Variants in SEMA3A observed in about 807,000 individuals in gnomAD.
The protein encoded by SEMA3A is semaphorin 3A.
Under a neutral mutation model 97.9 loss-of-function variants are expected in SEMA3A, and 29 were observed. The ratio of observed to expected loss-of-function variants is 0.30; its 90% CI spans 0.22 to 0.40. The LOEUF is 0.40. Ranked by LOEUF, SEMA3A falls within the 10% of genes least tolerant of loss-of-function variation. The pLI is 1.00. For synonymous variants in SEMA3A, 321 were observed against 323.7 expected (o/e 0.99, Z 0.09); for missense variants, 763 against 951.3 (o/e 0.80, Z 2.60).
intron 16 of SEMA3A, among the ~76,000 whole-genome samples, chr7:83,962,950 G>A (rs894127362): frequency 1.3e-5 from 2 of 152,054 alleles, no homozygotes; most frequent in East Asian, 3.9e-4. Flanking sequence ...GAAATAAGGG[G>A]AGTCTAATAT....
At chr7:84,321,768 T>C (rs1801650121) in intron 2 of SEMA3A, among the ~76,000 whole-genome samples, 1 of 149,952 alleles carries the variant, frequency 6.7e-6, no homozygotes, top group Non-Finnish European at 1.5e-5. Context: ...CTCAGCTACT[T>C]GATAGGCTGA....
intron 2 of SEMA3A, among the ~76,000 whole-genome samples, chr7:84,315,304 A>G (rs1801469152): frequency 6.6e-6 from 1 of 152,110 alleles, no homozygotes. Context: ...CATTAATGAC[A>G]CTACAACTGC....
chr7:84,479,658 AT>A (rs1255868220), intron 1 of SEMA3A, among the ~76,000 whole-genome samples: 2 of 152,208 alleles, frequency 1.3e-5, no homozygotes, highest in Non-Finnish European at 2.9e-5. Context: ...GATATTTAAA[AT>A]AAACCTTAAA....
chr7:84,141,032 C>A (rs10488270), intron 1 of SEMA3A, among the ~76,000 whole-genome samples: 24,506 of 152,058 alleles, frequency 0.16, 2,353 homozygotes, highest in South Asian at 0.27. Flanking sequence ...TTTTATTACA[C>A]GCAAGATTAG....
chr7:84,353,364 C>A (rs1237388311), intron 2 of SEMA3A, among the ~76,000 whole-genome samples: 2 of 151,630 alleles, frequency 1.3e-5, no homozygotes, highest in Non-Finnish European at 3.0e-5. Context: ...ACACACACAT[C>A]TTCCTTTCTC....
intron 1 of SEMA3A, among the ~76,000 whole-genome samples, chr7:84,412,967 C>T (rs921722085): frequency 6.6e-6 from 1 of 152,042 alleles, no homozygotes; most frequent in Admixed American, 6.6e-5. Flanking sequence ...CACATTCATA[C>T]ACAAATTTCT....
intron 4 of SEMA3A, among the ~76,000 whole-genome samples, chr7:84,105,863 T>G (rs1480838536): frequency 6.6e-6 from 1 of 152,170 alleles, no homozygotes; most frequent in Non-Finnish European, 1.5e-5. Context: ...TCTAAATCAA[T>G]TTTTCCATGA....
chr7:84,196,005 T>C (rs1053790003), upstream of SEMA3A, among the ~76,000 whole-genome samples: 3 of 152,154 alleles, frequency 2.0e-5, no homozygotes, highest in Non-Finnish European at 4.4e-5. Flanking sequence ...TTTCATTCAG[T>C]TTTCCTCAAA....
chr7:83,975,568 G>C (rs1053015356), intron 15 of SEMA3A, among the ~76,000 whole-genome samples: 1 of 152,054 alleles, frequency 6.6e-6, no homozygotes, highest in Non-Finnish European at 1.5e-5. Flanking sequence ...AGATCATTCA[G>C]TCATTCAACA....
chr7:84,470,867 T>A (rs1251142459), intron 1 of SEMA3A, among the ~76,000 whole-genome samples: 1 of 152,046 alleles, frequency 6.6e-6, no homozygotes, highest in Non-Finnish European at 1.5e-5. Flanking sequence ...CTTGACATCT[T>A]TTTTTAAATA....
rs1791601167 is a variant in SEMA3A at position 84,027,772 on chromosome 7, A to G, written c.668-13421T>C. On this transcript the variant is annotated intron_variant, in intron 6 of 16. Transcript: ENST00000265362. ...TTCAGTTACTGTGTGACCATGAGCA[A>G]GTTAACATCTCTGTCTTGAGTTCTC... is the stretch of plus-strand genomic sequence containing the variant. Among the ~76,000 whole-genome samples, 7 of 152,184 alleles carry G rather than the reference A, an allele frequency of 4.6e-5. No homozygotes were observed. The South Asian group carries it at 1.4e-3, about 32-fold the overall frequency.
chr7:84,344,819 G>A (rs893464322), intron 2 of SEMA3A, among the ~76,000 whole-genome samples: 1 of 152,154 alleles, frequency 6.6e-6, no homozygotes, highest in African/African-American at 2.4e-5. Flanking sequence ...AGCACACTCA[G>A]CATTAAGTAG....
chr7:84,424,672 A>C (rs1352653164), intron 1 of SEMA3A, among the ~76,000 whole-genome samples: 4 of 92,264 alleles, frequency 4.3e-5, no homozygotes, highest in African/African-American at 1.8e-4. Flanking sequence ...AATATGTTAT[A>C]TAATATATAA....
chr7:84,482,364 A>G (rs919488723), intron 1 of SEMA3A, among the ~76,000 whole-genome samples: 2 of 152,232 alleles, frequency 1.3e-5, no homozygotes, highest in African/African-American at 2.4e-5. Context: ...ATGGTAAATT[A>G]GTAGACTCAA....
At chr7:84,246,518 T>C (rs1799480641) in intron 3 of SEMA3A, among the ~76,000 whole-genome samples, 1 of 152,202 alleles carries the variant, frequency 6.6e-6, no homozygotes, top group Non-Finnish European at 1.5e-5. Flanking sequence ...AGAGGTTATA[T>C]ATAGTTACAC....
chr7:84,067,576 GA>G (rs1168906207), intron 4 of SEMA3A, among the ~76,000 whole-genome samples: 8 of 151,838 alleles, frequency 5.3e-5, no homozygotes, highest in East Asian at 1.9e-4. Context: ...AAATTTACAA[GA>G]AAAAAACAAA....
At chr7:84,207,308 A>T (rs1416784556) in intron 3 of SEMA3A, among the ~76,000 whole-genome samples, 9 of 152,188 alleles carry the variant, frequency 5.9e-5, no homozygotes, top group African/African-American at 2.2e-4. Context: ...CAAGAGACAA[A>T]GCTGGCTGTC....
intron 4 of SEMA3A, among the ~76,000 whole-genome samples, chr7:84,068,033 A>G (rs1390011340): frequency 1.6e-5 from 2 of 123,138 alleles, no homozygotes; most frequent in African/African-American, 3.6e-5. Context: ...CAAATGTCCA[A>G]CAATGATAGA....
intron 6 of SEMA3A, among the ~76,000 whole-genome samples, chr7:84,017,134 G>A (rs1791135921): frequency 6.6e-6 from 1 of 152,134 alleles, no homozygotes; most frequent in Admixed American, 6.5e-5. Context: ...TTAAAAGCAT[G>A]AAAATGACAA....
Sources: gnomAD v4.1 joint callset for allele counts (sites outside exome capture counted in the v4.1 genomes callset) on GRCh38, gnomAD v4.1.1 for gene constraint, MANE v1.5 for transcripts, NCBI Gene and HGNC (gene_info 2026-07-23, HGNC 2026-07-21) for gene names.